The following EVI5 variants were observed in gnomAD, a reference collection of about 807,000 sequenced individuals.
EVI5 encodes the protein ecotropic viral integration site 5.
A neutral mutation model predicts 112.0 loss-of-function variants in EVI5; 73 were observed. That is an observed-to-expected ratio of 0.65 (90% CI 0.54 to 0.79). The LOEUF is 0.79. Among genes scored for constraint, EVI5 ranks in the 30% least tolerant of loss-of-function variants. The probability of loss-of-function intolerance (pLI) is 0.00; values close to 1 mark genes in which losing one functional copy is unlikely to be tolerated. For missense variants in EVI5, 900 were observed against 968.8 expected (o/e 0.93, Z 0.94); for synonymous variants, 305 against 319.9 (o/e 0.95, Z 0.50).
intron 10 of EVI5, among the ~76,000 whole-genome samples, chr1:92,669,517 C>T (rs12730641): frequency 0.12 from 14,666 of 122,328 alleles, 833 homozygotes; most frequent in Middle Eastern, 0.18. Context: ...CACTGCACTC[C>T]GGCCTGGGCA....
At chr1:92,654,342 G>A (rs1452525317) in intron 13 of EVI5, among the ~76,000 whole-genome samples, 1 of 152,040 alleles carries the variant, frequency 6.6e-6, no homozygotes, top group Non-Finnish European at 1.5e-5. Flanking sequence ...AGATTCTTGA[G>A]ACTTCCGCCA....
intron 16 of EVI5, among the ~76,000 whole-genome samples, chr1:92,610,579 A>G (rs1025157392): frequency 6.6e-6 from 1 of 152,218 alleles, no homozygotes; most frequent in Non-Finnish European, 1.5e-5. Flanking sequence ...CCAAAACATA[A>G]GCAAAGAACA....
chr1:92,614,530 C>T (rs1237177502), intron 16 of EVI5, among the ~76,000 whole-genome samples: 2 of 152,064 alleles, frequency 1.3e-5, no homozygotes, highest in Non-Finnish European at 2.9e-5. Context: ...CACCCTTAAT[C>T]TGGTGGACAC....
At chr1:92,602,399 A>G (rs1649366443) in intron 18 of EVI5, among the ~76,000 whole-genome samples, 1 of 151,702 alleles carries the variant, frequency 6.6e-6, no homozygotes, top group Admixed American at 6.6e-5. Flanking sequence ...ATTTTTATTA[A>G]AAAAATTTTT....
At chr1:92,578,577 G>A (rs981882733) in intron 18 of EVI5, among the ~76,000 whole-genome samples, 2 of 152,026 alleles carry the variant, frequency 1.3e-5, no homozygotes, top group African/African-American at 2.4e-5. Context: ...AATTAGCTGG[G>A]CGTGGTGGCG....
At chr1:92,560,778 TG>T (rs1359356420) in intron 19 of EVI5, among the ~76,000 whole-genome samples, 4 of 152,078 alleles carry the variant, frequency 2.6e-5, no homozygotes, top group Non-Finnish European at 5.9e-5. Flanking sequence ...TTGCTCGGGC[TG>T]GTCTCGAACT....
intron 18 of EVI5, among the ~76,000 whole-genome samples, chr1:92,564,039 C>T (rs958681367): frequency 6.6e-6 from 1 of 152,144 alleles, no homozygotes; most frequent in African/African-American, 2.4e-5. Flanking sequence ...TCTCTTGCCT[C>T]AGCCTCTAGA....
At chr1:92,635,922 A>G (rs1253823761) in intron 14 of EVI5, among the ~76,000 whole-genome samples, 4 of 152,204 alleles carry the variant, frequency 2.6e-5, no homozygotes, top group African/African-American at 9.7e-5. Flanking sequence ...CTTCTGCAAC[A>G]TTTAGATACT....
chr1:92,781,054 G>A (rs961923377), intron 1 of EVI5, among the ~76,000 whole-genome samples: 1 of 151,932 alleles, frequency 6.6e-6, no homozygotes, highest in African/African-American at 2.4e-5. Flanking sequence ...GTTTCGCCAT[G>A]TTGGCTAGGC....
chr1:92,525,048 G>A (rs1026095211), intron 19 of EVI5, among the ~76,000 whole-genome samples: 4 of 152,066 alleles, frequency 2.6e-5, no homozygotes, highest in East Asian at 1.9e-4. Context: ...GGCTGCTCTC[G>A]AACTCCTGAT....
intron 15 of EVI5, among the ~76,000 whole-genome samples, chr1:92,624,941 T>C (rs1655359240): frequency 6.6e-6 from 1 of 152,208 alleles, no homozygotes; most frequent in Non-Finnish European, 1.5e-5. Flanking sequence ...TGTGATTAAG[T>C]AACTTTAGGA....
At chr1:92,566,987 A>G (rs186930527) in intron 18 of EVI5, among the ~76,000 whole-genome samples, 1 of 151,944 alleles carries the variant, frequency 6.6e-6, no homozygotes, top group East Asian at 1.9e-4. Context: ...TTATATTTTT[A>G]TTAGAGACGG....
At chr1:92,547,674 G>A (rs978741529) in intron 19 of EVI5, among the ~76,000 whole-genome samples, 5 of 152,132 alleles carry the variant, frequency 3.3e-5, no homozygotes, top group African/African-American at 9.7e-5. Flanking sequence ...TATCACCACC[G>A]ATCCCACATA....
intron 1 of EVI5, among the ~76,000 whole-genome samples, chr1:92,752,124 C>T (rs890756475): frequency 1.3e-5 from 2 of 152,132 alleles, no homozygotes; most frequent in African/African-American, 4.8e-5. Flanking sequence ...TTAACTAACC[C>T]ATTTTTCCTT....
intron 16 of EVI5, among the ~76,000 whole-genome samples, chr1:92,615,186 A>C (rs1222465876): frequency 6.6e-6 from 1 of 152,210 alleles, no homozygotes; most frequent in Non-Finnish European, 1.5e-5. Flanking sequence ...CAAGCAGTTT[A>C]GTGACTCTAT....
chr1:92,777,969 C>T (rs1558248028), intron 1 of EVI5, among the ~76,000 whole-genome samples: 1 of 148,618 alleles, frequency 6.7e-6, no homozygotes, highest in African/African-American at 2.5e-5. Context: ...GGTGCAGTGG[C>T]GCAATCTCAG....
chr1:92,551,957 A>T (rs1482622964), intron 19 of EVI5, among the ~76,000 whole-genome samples: 1 of 152,132 alleles, frequency 6.6e-6, no homozygotes, highest in Non-Finnish European at 1.5e-5. Flanking sequence ...AATTGTTGGG[A>T]CCATCTCTTC....
At chr1:92,681,873 A>G (rs1374207960) in intron 9 of EVI5, among the ~76,000 whole-genome samples, 1 of 152,220 alleles carries the variant, frequency 6.6e-6, no homozygotes, top group Non-Finnish European at 1.5e-5. Context: ...TGGCTACCAC[A>G]GTAGATGGCA....
chr1:92,774,031 CAA>C (rs11286636), intron 1 of EVI5: 64 of 131,766 alleles, frequency 4.9e-4, no homozygotes, highest in Admixed American at 6.1e-4. Context: ...ACCCTGTCTC[CAA>C]AAAAAAAAAA....
Sources: gnomAD v4.1 joint callset for allele counts (sites outside exome capture counted in the v4.1 genomes callset) on GRCh38, gnomAD v4.1.1 for gene constraint, MANE v1.5 for transcripts, NCBI Gene and HGNC (gene_info 2026-07-23, HGNC 2026-07-21) for gene names.